KRT8: variants seen among roughly 807,000 people sequenced by gnomAD.
The protein encoded by KRT8 is keratin 8, also known as keratin, type II cytoskeletal 8.
In KRT8, 24 loss-of-function variants were observed where a neutral mutation model predicts 43.0. The ratio of observed to expected loss-of-function variants is 0.56; its 90% CI spans 0.40 to 0.78. The LOEUF (loss-of-function observed/expected upper bound fraction) is 0.78. Ranked by LOEUF, KRT8 falls within the 30% of genes least tolerant of loss-of-function variation. The probability of loss-of-function intolerance (pLI) is 0.00; values close to 1 mark genes in which losing one functional copy is unlikely to be tolerated. For synonymous variants in KRT8, 214 were observed against 261.2 expected (o/e 0.82, Z 1.74); for missense variants, 492 against 638.4 (o/e 0.77, Z 2.47).
chr12:52,900,513 G>T, intron 4 of KRT8, 75 bp downstream of exon 4: 1 of 917,834 alleles, frequency 1.1e-6, no homozygotes, highest in Non-Finnish European at 1.8e-6. Context: ...GCTGGGAGGA[G>T]CCTCTGGTTG....
intron 2 of KRT8, among the ~76,000 whole-genome samples, chr12:52,919,421 C>G (rs1248913702): frequency 6.6e-6 from 1 of 151,968 alleles, no homozygotes; most frequent in African/African-American, 2.4e-5. Flanking sequence ...CATGTACCAC[C>G]ACTCTCTGCT....
intron 2 of KRT8, among the ~76,000 whole-genome samples, chr12:52,932,301 C>T (rs188058941): frequency 6.6e-6 from 1 of 151,986 alleles, no homozygotes; most frequent in Non-Finnish European, 1.5e-5. Flanking sequence ...CTTGGCTAGG[C>T]TGGTCTTGAA....
At chr12:52,924,875 CCTT>C (rs1411126773) in intron 2 of KRT8, among the ~76,000 whole-genome samples, 1 of 152,158 alleles carries the variant, frequency 6.6e-6, no homozygotes, top group African/African-American at 2.4e-5. Context: ...AGCATCCTCT[CCTT>C]AACTAAGCAC....
chr12:52,938,543 G>A (rs978173783), intron 2 of KRT8, among the ~76,000 whole-genome samples: 10 of 151,910 alleles, frequency 6.6e-5, no homozygotes, highest in Non-Finnish European at 1.0e-4. Context: ...TTGGGGGGCC[G>A]AGGCAGAAGG....
chr12:52,915,100 G>A (rs576649302), intron 2 of KRT8, among the ~76,000 whole-genome samples: 6 of 152,140 alleles, frequency 3.9e-5, no homozygotes, highest in Non-Finnish European at 5.9e-5. Context: ...TGGGCCAGGC[G>A]CGGTGGCTCA....
exon 5 of KRT8, chr12:52,899,850 G>C: frequency 6.2e-7 from 1 of 1,612,110 alleles, no homozygotes; most frequent in Non-Finnish European, 8.5e-7. Flanking sequence ...CAGTCTTTGT[G>C]CGCCGCAGGT....
Position 52,897,432 on chromosome 12 carries a change from TTGGGCAG to T in KRT8, c.1441_1447del (p.Leu481SerfsTer36). 1 of 1,599,376 alleles carries T rather than the reference TTGGGCAG, an allele frequency of 6.3e-7. No individual in the cohort carries two copies. The highest frequency in any genetic ancestry group is 8.5e-7 in the Non-Finnish European group (1 of 1,179,836). On this transcript the variant is annotated frameshift_variant, in exon 8 of 8. Coordinates refer to ENST00000692008, the Ensembl canonical transcript of KRT8. LOFTEE classifies it high-confidence loss of function. ...GGGAGGGGCTGCCGCAGCTGTTCACTTGGGCAGGACGTCAGAGGACTCAGACACCAGC... is the reference window on the plus strand; with the variant it reads ...GGGAGGGGCTGCCGCAGCTGTTCACTGACGTCAGAGGACTCAGACACCAGC...
intron 2 of KRT8, among the ~76,000 whole-genome samples, chr12:52,934,336 G>A (rs575327261): frequency 2.0e-5 from 3 of 151,044 alleles, no homozygotes; most frequent in East Asian, 2.0e-4. Context: ...TGAGGTGGGC[G>A]GATCACTTGA....
upstream of KRT8, chr12:52,906,991 TACACACACAC>T: frequency 3.4e-6 from 1 of 291,992 alleles, no homozygotes; most frequent in South Asian, 3.3e-5. Flanking sequence ...CACGCGTGCA[TACACACACAC>T]ACACACACAC....
At chr12:52,935,558 A>G (rs1453924048) in intron 2 of KRT8, among the ~76,000 whole-genome samples, 4 of 150,924 alleles carry the variant, frequency 2.7e-5, no homozygotes, top group African/African-American at 7.3e-5. Context: ...AAAGAAAAAG[A>G]AAAAGGAAAA....
chr12:52,900,754 C>T (rs1941348835), intron 3 of KRT8, 71 bp from the exon 4 acceptor site: 1 of 1,024,128 alleles, frequency 9.8e-7, no homozygotes, highest in East Asian at 2.4e-5. Flanking sequence ...CTCCCAAGGT[C>T]CACCCAATGG....
At chr12:52,949,254 G>A (rs1473739765) in intron 2 of KRT8, 42 of 1,611,262 alleles carry the variant, frequency 2.6e-5, no homozygotes, top group Non-Finnish European at 3.6e-5. Flanking sequence ...ACGGCGCCCG[G>A]CCGGTCAGCA....
intron 2 of KRT8, among the ~76,000 whole-genome samples, chr12:52,945,233 T>G (rs568702173): frequency 6.6e-6 from 1 of 152,180 alleles, no homozygotes; most frequent in Non-Finnish European, 1.5e-5. Flanking sequence ...GAGGGCCCCC[T>G]GCATGGGTAT....
At chr12:52,949,546 G>C (rs772097116) in exon 2 of KRT8, 10 of 1,613,734 alleles carry the variant, frequency 6.2e-6, no homozygotes, top group Admixed American at 1.7e-5. Context: ...CCAGGTCAGA[G>C]ACTGGAGCCA....
At chr12:52,941,192 G>A (rs992536353) in intron 2 of KRT8, among the ~76,000 whole-genome samples, 24 of 151,322 alleles carry the variant, frequency 1.6e-4, no homozygotes, top group African/African-American at 5.1e-4. Context: ...TCAGCCTCCC[G>A]AGTAGCTGGG....
intron 2 of KRT8, among the ~76,000 whole-genome samples, chr12:52,915,479 G>A (rs1565724180): frequency 6.6e-6 from 1 of 151,982 alleles, no homozygotes; most frequent in Non-Finnish European, 1.5e-5. Context: ...AGGCTGAGGC[G>A]GGTGGATCAC....
chr12:52,906,699 G>A (rs1317192359), upstream of KRT8: 1 of 455,946 alleles, frequency 2.2e-6, no homozygotes, highest in African/African-American at 2.0e-5. Flanking sequence ...GTGATGTGGG[G>A]ACTGGATGAA....
intron 4 of KRT8, 21 bp from the exon 5 acceptor site, chr12:52,900,086 T>C: frequency 6.2e-7 from 1 of 1,611,298 alleles, no homozygotes; most frequent in Non-Finnish European, 8.5e-7. Context: ...AGAGGGCAAG[T>C]GGTGAGGCCC....
chr12:52,897,561 C>T (rs1197102292), exon 8 of KRT8: 9 of 1,598,104 alleles, frequency 5.6e-6, no homozygotes, highest in East Asian at 4.5e-5. Context: ...AAAGCTGGAG[C>T]CCAGGCTGTA....
Sources: gnomAD v4.1 joint callset for allele counts (sites outside exome capture counted in the v4.1 genomes callset) on GRCh38, gnomAD v4.1.1 for gene constraint, MANE v1.5 for transcripts, NCBI Gene and HGNC (gene_info 2026-07-23, HGNC 2026-07-21) for gene names.